DTHD1: variants seen among roughly 807,000 people sequenced by gnomAD.
DTHD1 encodes death domain-containing protein 1.
In DTHD1, 59 loss-of-function variants were observed where a neutral mutation model predicts 74.8. The ratio of observed to expected loss-of-function variants is 0.79; its 90% CI spans 0.64 to 0.98. The LOEUF (loss-of-function observed/expected upper bound fraction) is 0.98, where lower values mean the gene tolerates loss of function less well. Ranked by LOEUF, DTHD1 falls within the 50% of genes least tolerant of loss-of-function variation. The pLI, the probability that DTHD1 is intolerant of heterozygous loss-of-function variation, is 0.00. For synonymous variants in DTHD1, 365 were observed against 371.1 expected, an observed-to-expected ratio of 0.98 and a Z score of 0.19; for missense variants, 1,051 against 1,065.4, an observed-to-expected ratio of 0.99 and a Z score of 0.19.
intron 8 of DTHD1, among the ~76,000 whole-genome samples, chr4:36,334,994 A>G (rs947047252): frequency 4.6e-5 from 7 of 152,240 alleles, no homozygotes; most frequent in African/African-American, 1.4e-4. Context: ...GGGCACAATA[A>G]ATCAGTGAAT....
chr4:36,311,516 T>C (rs1445638064), intron 7 of DTHD1, among the ~76,000 whole-genome samples: 1 of 135,798 alleles, frequency 7.4e-6, no homozygotes, highest in Non-Finnish European at 1.5e-5. Context: ...AGATCTCACC[T>C]CAACTATCAT....
intron 6 of DTHD1, among the ~76,000 whole-genome samples, chr4:36,307,019 G>A (rs904087933): frequency 2.6e-5 from 4 of 152,170 alleles, no homozygotes; most frequent in East Asian, 3.8e-4. Context: ...AGCCTGACAC[G>A]CTCCGGGGAG....
chr4:36,318,318 T>C (rs1757847049), intron 8 of DTHD1, among the ~76,000 whole-genome samples: 1 of 152,236 alleles, frequency 6.6e-6, no homozygotes, highest in Non-Finnish European at 1.5e-5. Flanking sequence ...TGATGTTGTA[T>C]GATGTCTGTA....
intron 8 of DTHD1, among the ~76,000 whole-genome samples, chr4:36,336,139 T>C (rs1448134880): frequency 6.6e-6 from 1 of 152,202 alleles, no homozygotes; most frequent in African/African-American, 2.4e-5. Context: ...TAAATGTGGA[T>C]TGTGCAGCAA....
In DTHD1 at chr4:36,346,179, T is replaced by C. The variant is rs1006378500; in HGVS notation, c.*2355T>C. Among the ~76,000 whole-genome samples, 1 of 151,964 alleles carries C rather than the reference T, an allele frequency of 6.6e-6. No homozygotes were observed. Among genetic ancestry groups the C allele is most frequent in the African/African-American group, 2.4e-5 (1 of 41,394 alleles). ...ACTCTCACAAATGTCCTCGTTCACATATACCCCACCTCCACATTTCATATA... is the reference window on the plus strand; with the variant it reads ...ACTCTCACAAATGTCCTCGTTCACACATACCCCACCTCCACATTTCATATA... On this transcript the variant is annotated 3_prime_UTR_variant, in exon 10 of 10. Transcript: ENST00000639862.
At position 36,316,314 on chromosome 4, in the gene DTHD1, A is replaced by G. The variant is rs1229629493; in HGVS notation, c.2168A>G (p.Gln723Arg). 3.2e-6 allele frequency: 5 copies of G among 1,551,928 alleles called. No homozygotes were observed. The highest frequency in any genetic ancestry group is 4.4e-6 in the Non-Finnish European group (5 of 1,147,050). Residue 723 changes from glutamine to arginine, a missense_variant, in exon 8 of 10, where the codon CAA (glutamine) becomes CGA (arginine). Physicochemically the swap from Gln to Arg is conservative, Grantham distance 43. Transcript: ENST00000639862. The part of the protein sequence containing the change: ...HLQRKPRLEL[Q>R]IKEVDEFGNY... ...CAAAGAAAACCTAGGCTGGAACTCC[A>G]AATCAAAGAAGTGGACGAATTTGGA...
rs575223195 is a variant in DTHD1, at chr4:36,346,686, C to T, written c.*2862C>T. Among the ~76,000 whole-genome samples the T allele has an allele frequency of 2.6e-5, 4 of 152,062 alleles. No homozygotes were observed. Among genetic ancestry groups the T allele is most frequent in the Non-Finnish European group, 5.9e-5 (4 of 68,004 alleles). On this transcript the variant is annotated 3_prime_UTR_variant, in exon 10 of 10. Transcript: ENST00000639862. ...GACCACATCAGAGATGCCTTGTTCG[C>T]TTTTGCTAATGCAAAGCCCCAGCAG... is the stretch of plus-strand genomic sequence containing the variant.
At chr4:36,330,383 AT>A (rs1201143965) in intron 8 of DTHD1, among the ~76,000 whole-genome samples, 1 of 152,120 alleles carries the variant, frequency 6.6e-6, no homozygotes, top group East Asian at 1.9e-4. Context: ...TAAATGTCAT[AT>A]TTGTCATTTA....
At chr4:36,343,459 A>C in intron 9 of DTHD1, 43 bp from the exon 10 acceptor site, 8 of 1,514,536 alleles carry the variant, frequency 5.3e-6, no homozygotes, top group South Asian at 1.3e-5. Context: ...TGCATCCCCC[A>C]GGAGAGGGTC....
chr4:36,294,887 T>C lies in DTHD1; in HGVS notation c.1491T>C (p.Ile497=). ...AATCCACAAGCCCTCTGATTCACATTCAGCACCCATCAACTTATCCTTTTC... is the reference window on the plus strand; with the variant it reads ...AATCCACAAGCCCTCTGATTCACATCCAGCACCCATCAACTTATCCTTTTC... ...SVQSTSPLIH[I]QHPSTYPFQK... The change falls in exon 5 of 10, where the codon ATT becomes ATC. Residue 497 remains isoleucine, a synonymous_variant. Coordinates refer to ENST00000639862, the MANE Select transcript of DTHD1 (RefSeq NM_001170700.3). 1 of 1,551,942 alleles carries C rather than the reference T, an allele frequency of 6.4e-7. No homozygotes were observed. The highest frequency in any genetic ancestry group is 8.7e-7 in the Non-Finnish European group (1 of 1,146,818).
chr4:36,328,745 A>T (rs1054262188), intron 8 of DTHD1, among the ~76,000 whole-genome samples: 17 of 152,318 alleles, frequency 1.1e-4, no homozygotes, highest in African/African-American at 4.1e-4. Flanking sequence ...ACATGACCAC[A>T]TTACTATTGC....
intron 8 of DTHD1, among the ~76,000 whole-genome samples, chr4:36,319,619 G>A (rs1757944229): frequency 1.3e-5 from 2 of 152,208 alleles, no homozygotes; most frequent in Admixed American, 1.3e-4. Context: ...CTGAGATGAT[G>A]GCAGACCATG....
At chr4:36,300,865 G>A (rs1291684108) in intron 5 of DTHD1, among the ~76,000 whole-genome samples, 1 of 152,120 alleles carries the variant, frequency 6.6e-6, no homozygotes, top group Non-Finnish European at 1.5e-5. Context: ...GAGAAAATAA[G>A]ATTTGTTTCA....
intron 6 of DTHD1, 130 bp from the exon 7 acceptor site, chr4:36,308,074 T>TTG: frequency 1.1e-6 from 1 of 931,804 alleles, no homozygotes; most frequent in Non-Finnish European, 1.6e-6. Flanking sequence ...ATCTCACCTG[T>TTG]TGTCTTTGAG....
intron 3 of DTHD1, among the ~76,000 whole-genome samples, chr4:36,292,166 A>G (rs973235641): frequency 2.0e-5 from 3 of 152,200 alleles, no homozygotes; most frequent in African/African-American, 7.2e-5. Flanking sequence ...TAGGTATGAT[A>G]GTCTAGTCAG....
chr4:36,331,539 C>T (rs1290696778), intron 8 of DTHD1, among the ~76,000 whole-genome samples: 1 of 152,194 alleles, frequency 6.6e-6, no homozygotes, highest in Non-Finnish European at 1.5e-5. Flanking sequence ...ATCACTTTTA[C>T]TTGTATGTCT....
At position 36,346,428 on chromosome 4, in the gene DTHD1, A is replaced by T. The variant is rs1037838655; in HGVS notation, c.*2604A>T. Among the ~76,000 whole-genome samples the T allele has an allele frequency of 2.0e-5, 3 of 152,094 alleles. No homozygotes were observed. The highest frequency in any genetic ancestry group is 7.2e-5 in the African/African-American group (3 of 41,426). On this transcript the variant is annotated 3_prime_UTR_variant, in exon 10 of 10. Transcript: ENST00000639862. ...CAACACAGATACATTTTTCCCCCAG[A>T]ATTAAAACAAATACTGCACATATTG...
At chr4:36,292,095 T>C (rs1020954499) in intron 3 of DTHD1, among the ~76,000 whole-genome samples, 1 of 152,210 alleles carries the variant, frequency 6.6e-6, no homozygotes, top group African/African-American at 2.4e-5. Flanking sequence ...GCTAAGCCTA[T>C]TACATTTACT....
chr4:36,340,857 C>T, intron 9 of DTHD1, among the ~76,000 whole-genome samples: 1 of 151,718 alleles, frequency 6.6e-6, no homozygotes, highest in East Asian at 1.9e-4. Context: ...TGCAGTAATA[C>T]AGCAGTATTA....
Sources: allele counts gnomAD v4.1 joint callset (sites outside exome capture counted in the v4.1 genomes callset), GRCh38; gene constraint gnomAD v4.1.1; transcripts MANE v1.5; gene names NCBI Gene and HGNC (gene_info 2026-07-23, HGNC 2026-07-21).